Variants in SEMA5A observed in about 807,000 individuals in gnomAD.
SEMA5A encodes the protein semaphorin 5A.
Under a neutral mutation model 135.5 loss-of-function variants are expected in SEMA5A, and 55 were observed. That is an observed-to-expected ratio of 0.41 (90% CI 0.33 to 0.51). The LOEUF is 0.51. Among genes scored for constraint, SEMA5A ranks in the 20% least tolerant of loss-of-function variants. The probability of loss-of-function intolerance (pLI) is 0.37; values close to 1 mark genes in which losing one functional copy is unlikely to be tolerated. For synonymous variants in SEMA5A, 580 were observed against 546.5 expected, an observed-to-expected ratio of 1.06 and a Z score of -0.85; for missense variants, 1,290 against 1,419.9, an observed-to-expected ratio of 0.91 and a Z score of 1.47.
Position 9,042,826 on chromosome 5 carries a change from A to AACATGGGC in SEMA5A, c.*63_*70dup. On this transcript the variant is annotated 3_prime_UTR_variant, in exon 23 of 23. Coordinates refer to ENST00000382496, the MANE Select transcript of SEMA5A (RefSeq NM_003966.3). ...CAAACTTCGACTCTGAAGCCTCAGA[A>AACATGGGC]ACATGGGCAGTCATGGGGCACAGGC... is the stretch of plus-strand genomic sequence containing the variant. 6.3e-7 allele frequency: 1 copy of AACATGGGC among 1,581,482 alleles called. No homozygotes were observed. The highest frequency in any genetic ancestry group is 8.7e-7 in the Non-Finnish European group (1 of 1,155,378).
chr5:9,477,702 C>G (rs966214889), intron 1 of SEMA5A, among the ~76,000 whole-genome samples: 6 of 152,124 alleles, frequency 3.9e-5, no homozygotes, highest in Non-Finnish European at 7.4e-5. Context: ...CAAGATGTGA[C>G]CTGGGTGCTC....
At chr5:9,225,607 A>G (rs577817172) in intron 7 of SEMA5A, among the ~76,000 whole-genome samples, 52 of 151,736 alleles carry the variant, frequency 3.4e-4, no homozygotes, top group African/African-American at 9.9e-4. Context: ...TTCTATCAAT[A>G]TAAGTGAAGC....
chr5:9,090,621 A>G (rs915930061), intron 16 of SEMA5A, among the ~76,000 whole-genome samples: 7 of 152,186 alleles, frequency 4.6e-5, no homozygotes, highest in African/African-American at 1.4e-4. Context: ...AATGCTGCCA[A>G]TGTGTTTCAC....
At chr5:9,146,835 G>A (rs1171585252) in intron 12 of SEMA5A, among the ~76,000 whole-genome samples, 1 of 152,122 alleles carries the variant, frequency 6.6e-6, no homozygotes, top group East Asian at 1.9e-4. Context: ...ATTCTCTAGA[G>A]GTTAAACCAA....
intron 5 of SEMA5A, among the ~76,000 whole-genome samples, chr5:9,242,430 G>A (rs926028027): frequency 6.6e-6 from 1 of 152,172 alleles, no homozygotes; most frequent in African/African-American, 2.4e-5. Context: ...CAATGTGTTT[G>A]TTATTTTTTC....
At chr5:9,353,893 C>A (rs765046) in intron 3 of SEMA5A, among the ~76,000 whole-genome samples, 10,223 of 151,956 alleles carry the variant, frequency 0.067, 364 homozygotes, top group South Asian at 0.074. Context: ...ACTGGCCTCA[C>A]CCCCAGGCTT....
intron 8 of SEMA5A, among the ~76,000 whole-genome samples, chr5:9,223,512 G>T (rs1022070241): frequency 2.6e-5 from 4 of 152,134 alleles, no homozygotes; most frequent in Admixed American, 2.0e-4. Flanking sequence ...ACTATAGGTT[G>T]AAAATGCTGC....
chr5:9,210,342 C>A (rs964849417), intron 8 of SEMA5A, among the ~76,000 whole-genome samples: 3 of 152,142 alleles, frequency 2.0e-5, no homozygotes, highest in African/African-American at 7.2e-5. Flanking sequence ...GTTTTCAGAG[C>A]ACCGTAAGAA....
At chr5:9,283,453 G>A (rs1750642369) in intron 5 of SEMA5A, among the ~76,000 whole-genome samples, 1 of 152,132 alleles carries the variant, frequency 6.6e-6, no homozygotes, top group Non-Finnish European at 1.5e-5. Flanking sequence ...ACAACAGAAG[G>A]GCACCTGCTG....
intron 15 of SEMA5A, among the ~76,000 whole-genome samples, chr5:9,113,257 T>G (rs947540258): frequency 1.3e-5 from 2 of 152,094 alleles, no homozygotes; most frequent in African/African-American, 4.8e-5. Flanking sequence ...AGTGCTACTG[T>G]AAGAGGTTGG....
intron 1 of SEMA5A, among the ~76,000 whole-genome samples, chr5:9,523,340 G>C (rs1019146083): frequency 6.6e-6 from 1 of 152,136 alleles, no homozygotes; most frequent in African/African-American, 2.4e-5. Flanking sequence ...TGTGGTTTCA[G>C]TATCTAAAGT....
At chr5:9,313,121 A>G (rs1752219280) in intron 5 of SEMA5A, among the ~76,000 whole-genome samples, 1 of 152,164 alleles carries the variant, frequency 6.6e-6, no homozygotes, top group Non-Finnish European at 1.5e-5. Context: ...AATTCTATGA[A>G]TGTCACTAAG....
chr5:9,077,041 G>T (rs995190030), intron 16 of SEMA5A, among the ~76,000 whole-genome samples: 3 of 152,108 alleles, frequency 2.0e-5, no homozygotes, highest in African/African-American at 4.8e-5. Flanking sequence ...ACCTTCCATG[G>T]GATTTGGAGA....
At chr5:9,284,579 A>ATT (rs202055476) in intron 5 of SEMA5A, among the ~76,000 whole-genome samples, 3 of 150,372 alleles carry the variant, frequency 2.0e-5, no homozygotes, top group African/African-American at 7.3e-5. Context: ...TATTTCATCA[A>ATT]TTTTTTTTTT....
chr5:9,434,232 T>A (rs1388404628), intron 2 of SEMA5A, among the ~76,000 whole-genome samples: 1 of 152,160 alleles, frequency 6.6e-6, no homozygotes, highest in Non-Finnish European at 1.5e-5. Flanking sequence ...TGAGAAAGTA[T>A]GTATAAGTGA....
At chr5:9,283,714 G>A (rs576424696) in intron 5 of SEMA5A, among the ~76,000 whole-genome samples, 4 of 152,324 alleles carry the variant, frequency 2.6e-5, no homozygotes, top group African/African-American at 9.6e-5. Context: ...GCTGGGCAAA[G>A]TAGCTACTGT....
chr5:9,534,970 C>T (rs928142627), intron 1 of SEMA5A, among the ~76,000 whole-genome samples: 4 of 152,198 alleles, frequency 2.6e-5, no homozygotes, highest in African/African-American at 7.2e-5. Context: ...ACTTCAGGAC[C>T]TAAAGTCCAA....
intron 1 of SEMA5A, among the ~76,000 whole-genome samples, chr5:9,499,874 T>C (rs781647758): frequency 6.6e-6 from 1 of 151,224 alleles, no homozygotes; most frequent in African/African-American, 2.4e-5. Context: ...CATAGAGTAA[T>C]ATAGCAAGAA....
chr5:9,110,441 A>G (rs1740177694), intron 15 of SEMA5A, among the ~76,000 whole-genome samples: 1 of 152,240 alleles, frequency 6.6e-6, no homozygotes, highest in Admixed American at 6.5e-5. Flanking sequence ...GATTGCAACA[A>G]TTCAAATGAG....
Sources: allele counts gnomAD v4.1 joint callset (sites outside exome capture counted in the v4.1 genomes callset), GRCh38; gene constraint gnomAD v4.1.1; transcripts MANE v1.5; gene names NCBI Gene and HGNC (gene_info 2026-07-23, HGNC 2026-07-21).